The following ST6GALNAC3 variants were observed in gnomAD, a reference collection of about 807,000 sequenced individuals.
The protein encoded by ST6GALNAC3 is alpha-N-acetylgalactosaminide alpha-2,6-sialyltransferase 3.
A neutral mutation model predicts 32.7 loss-of-function variants in ST6GALNAC3; 25 were observed. The observed-to-expected ratio is 0.76, with a 90% CI of 0.56 to 1.07. ST6GALNAC3 has a LOEUF of 1.07. Ranked by LOEUF, ST6GALNAC3 falls within the 50% of genes least tolerant of loss-of-function variation. The pLI, the probability that ST6GALNAC3 is intolerant of heterozygous loss-of-function variation, is 0.00. For synonymous variants in ST6GALNAC3, 129 were observed against 133.1 expected, an observed-to-expected ratio of 0.97 and a Z score of 0.21; for missense variants, 355 against 382.4, an observed-to-expected ratio of 0.93 and a Z score of 0.60.
At chr1:76,585,638 A>G (rs1377356236) in intron 3 of ST6GALNAC3, among the ~76,000 whole-genome samples, 1 of 152,110 alleles carries the variant, frequency 6.6e-6, no homozygotes, top group Non-Finnish European at 1.5e-5. Flanking sequence ...ATATGAAAGA[A>G]AACAGTATCT....
intron 1 of ST6GALNAC3, among the ~76,000 whole-genome samples, chr1:76,186,950 A>G (rs1462186165): frequency 2.0e-5 from 3 of 152,230 alleles, no homozygotes; most frequent in Non-Finnish European, 4.4e-5. Flanking sequence ...AACTGCTGCC[A>G]TAATATCACA....
chr1:76,181,725 G>C (rs937509841), intron 1 of ST6GALNAC3, among the ~76,000 whole-genome samples: 4 of 152,122 alleles, frequency 2.6e-5, no homozygotes, highest in East Asian at 3.9e-4. Flanking sequence ...TTTGGTGTCA[G>C]CCACACACTT....
intron 1 of ST6GALNAC3, among the ~76,000 whole-genome samples, chr1:76,175,075 T>G (rs1429339463): frequency 6.6e-6 from 1 of 152,240 alleles, no homozygotes; most frequent in African/African-American, 2.4e-5. Context: ...TGATTTTTCT[T>G]TATTGTAAAA....
At chr1:76,187,317 G>T (rs1653617816) in intron 1 of ST6GALNAC3, among the ~76,000 whole-genome samples, 1 of 152,002 alleles carries the variant, frequency 6.6e-6, no homozygotes, top group Non-Finnish European at 1.5e-5. Flanking sequence ...ATATTCCATT[G>T]TGAGATCTCA....
chr1:76,599,411 A>C (rs914678449), intron 3 of ST6GALNAC3, among the ~76,000 whole-genome samples: 18 of 152,010 alleles, frequency 1.2e-4, no homozygotes, highest in Admixed American at 8.5e-4. Context: ...TAAGCCCCAC[A>C]TGCATTAGGT....
At chr1:76,455,817 T>C (rs1287549766) in intron 3 of ST6GALNAC3, among the ~76,000 whole-genome samples, 1 of 152,180 alleles carries the variant, frequency 6.6e-6, no homozygotes, top group Non-Finnish European at 1.5e-5. Flanking sequence ...AAATGAAAAT[T>C]GCTTGAATTT....
At chr1:76,479,728 T>C (rs1311187339) in intron 3 of ST6GALNAC3, among the ~76,000 whole-genome samples, 3 of 152,156 alleles carry the variant, frequency 2.0e-5, no homozygotes, top group Non-Finnish European at 4.4e-5. Context: ...CTCATCCCTG[T>C]TGCATTGAGG....
intron 1 of ST6GALNAC3, among the ~76,000 whole-genome samples, chr1:76,113,350 G>T (rs1055792773): frequency 1.7e-4 from 25 of 144,296 alleles, no homozygotes; most frequent in African/African-American, 6.4e-4. Context: ...GAGGGAGGGG[G>T]AGGGGGAGGG....
At chr1:76,483,060 C>A (rs1015341842) in intron 3 of ST6GALNAC3, among the ~76,000 whole-genome samples, 1 of 151,896 alleles carries the variant, frequency 6.6e-6, no homozygotes, top group Admixed American at 6.6e-5. Context: ...TGAACTTATC[C>A]TTTTTATGGC....
chr1:76,418,918 G>T (rs1405173265), intron 3 of ST6GALNAC3, among the ~76,000 whole-genome samples: 1 of 150,204 alleles, frequency 6.7e-6, no homozygotes, highest in African/African-American at 2.5e-5. Flanking sequence ...ATACAAATGC[G>T]CTGGAAATTA....
At chr1:76,555,161 A>G (rs1045686937) in intron 3 of ST6GALNAC3, among the ~76,000 whole-genome samples, 4 of 152,188 alleles carry the variant, frequency 2.6e-5, no homozygotes, top group Non-Finnish European at 5.9e-5. Flanking sequence ...TATTAGAGTA[A>G]GTATGTATTA....
intron 3 of ST6GALNAC3, among the ~76,000 whole-genome samples, chr1:76,496,736 A>G (rs1221715746): frequency 6.6e-6 from 1 of 151,990 alleles, no homozygotes; most frequent in Non-Finnish European, 1.5e-5. Flanking sequence ...TTCCTTAATG[A>G]TAATGAGCCA....
chr1:76,285,522 A>G (rs1659729218), intron 1 of ST6GALNAC3, among the ~76,000 whole-genome samples: 1 of 152,204 alleles, frequency 6.6e-6, no homozygotes, highest in African/African-American at 2.4e-5. Context: ...AAAATCAAGA[A>G]TAAAAAATGA....
chr1:76,340,010 G>A (rs974018335), intron 2 of ST6GALNAC3, among the ~76,000 whole-genome samples: 1 of 152,304 alleles, frequency 6.6e-6, no homozygotes, highest in South Asian at 2.1e-4. Flanking sequence ...CCCTGAGCTA[G>A]GAGCTTGATT....
intron 3 of ST6GALNAC3, among the ~76,000 whole-genome samples, chr1:76,428,454 T>A (rs1655540975): frequency 6.6e-6 from 1 of 152,246 alleles, no homozygotes; most frequent in South Asian, 2.1e-4. Flanking sequence ...AATATGTTAT[T>A]TTTATCCATC....
rs534765588 is a variant in ST6GALNAC3 at position 76,570,636 on chromosome 1, T to C, written c.624-56816T>C. Among the ~76,000 whole-genome samples, 25 of 152,222 alleles carry C rather than the reference T, an allele frequency of 1.6e-4. 2 individuals are homozygous for C. The highest frequency in any genetic ancestry group is 5.8e-4 in the African/African-American group (24 of 41,556). On this transcript the variant is annotated intron_variant, in intron 3 of 4. Coordinates refer to ENST00000328299, the MANE Select transcript of ST6GALNAC3 (RefSeq NM_152996.4). ...CACATGAATAAACTTGCCAATGACA[T>C]CTTATGTTGCTAAGGCTTATGCGTG... is the stretch of plus-strand genomic sequence containing the variant.
intron 1 of ST6GALNAC3, among the ~76,000 whole-genome samples, chr1:76,183,560 T>A (rs1653328592): frequency 6.6e-6 from 1 of 151,914 alleles, no homozygotes; most frequent in South Asian, 2.1e-4. Context: ...AAATGCATCA[T>A]TAGGTGATTA....
intron 1 of ST6GALNAC3, among the ~76,000 whole-genome samples, chr1:76,263,966 C>T (rs12069137): frequency 0.22 from 32,832 of 151,984 alleles, 3,812 homozygotes; most frequent in South Asian, 0.34. Flanking sequence ...TTAAATGTAA[C>T]GGCTGTAATC....
chr1:76,341,217 G>A (rs1647942216), intron 2 of ST6GALNAC3, among the ~76,000 whole-genome samples: 1 of 151,610 alleles, frequency 6.6e-6, no homozygotes, highest in South Asian at 2.1e-4. Flanking sequence ...CTCCGTTTTG[G>A]TTGACAGAGT....
Sources: allele counts gnomAD v4.1 joint callset (sites outside exome capture counted in the v4.1 genomes callset), GRCh38; gene constraint gnomAD v4.1.1; transcripts MANE v1.5; gene names NCBI Gene and HGNC (gene_info 2026-07-23, HGNC 2026-07-21).